KIF24: variants seen among roughly 807,000 people sequenced by gnomAD.
KIF24 encodes the protein kinesin-like protein KIF24.
KIF24 carries 81 observed loss-of-function variants against 118.9 expected under a neutral mutation model. The ratio of observed to expected loss-of-function variants is 0.68; its 90% CI spans 0.57 to 0.82. The LOEUF (loss-of-function observed/expected upper bound fraction) is 0.82. KIF24 is among the 40% of genes least tolerant of loss of function. The pLI is 0.00. For missense variants in KIF24, 1,560 were observed against 1,661.6 expected, an observed-to-expected ratio of 0.94 and a Z score of 1.06; for synonymous variants, 599 against 610.0, an observed-to-expected ratio of 0.98 and a Z score of 0.27.
chr9:34,327,845 A>AT lies in KIF24; in HGVS notation c.-26+1260_-26+1261insA, dbSNP rs1275195994. Reference sequence around the variant, plus strand: ...GCAAGACATTTTCTCTAATAAAAAAAAAATAATAATAATAATAAAGGGACT... The same window carrying AT: ...GCAAGACATTTTCTCTAATAAAAAAATAAATAATAATAATAATAAAGGGACT... On this transcript the variant is annotated intron_variant, in intron 1 of 12. Transcript: ENST00000402558. Among the ~76,000 whole-genome samples, 1,148 of 115,304 alleles carry AT rather than the reference A, an allele frequency of 1.0e-2. 13 individuals are homozygous for AT. Among genetic ancestry groups the AT allele is most frequent in the Non-Finnish European group, 0.013 (635 of 48,950 alleles). 75.6% of individuals were successfully genotyped at this position (115,304 alleles called of 152,430 possible).
Position 34,274,879 on chromosome 9 carries a change from A to T in KIF24, c.1216-2949T>A, listed in dbSNP as rs1411698667. 2.0e-5 allele frequency among the ~76,000 whole-genome samples: 3 copies of T among 146,574 alleles called. No individual in the cohort carries two copies. The East Asian group carries it at 6.2e-4, about 30-fold the overall frequency. Reference sequence around the variant, plus strand: ...GAACTGGAGATCATTATGTTAAGTGAAATAAGCCAGGCATAGAAAGACAAA... The same window carrying T: ...GAACTGGAGATCATTATGTTAAGTGTAATAAGCCAGGCATAGAAAGACAAA... On this transcript the variant is annotated intron_variant, in intron 6 of 12. Transcript: ENST00000402558.
chr9:34,269,124 C>G, intron 8 of KIF24, 133 bp downstream of exon 8: 1 of 500,866 alleles, frequency 2.0e-6, no homozygotes, highest in Non-Finnish European at 3.6e-6. Flanking sequence ...TATCTCCAAC[C>G]CTGGCATTCT....
In KIF24 at chr9:34,256,765, A is replaced by G. The variant is rs1383687733; in HGVS notation, c.2842T>C (p.Tyr948His). The change falls in exon 11 of 13, where the codon TAT becomes CAT. Residue 948 changes from tyrosine to histidine, a missense_variant. Tyr to His is a moderately conservative substitution (Grantham distance 83). Transcript: ENST00000402558. ...GAGCCTCCACCTCTTTCCTGTCTATATATGAAATCTACCTGTGAACAGTAT... is the reference window on the plus strand; with the variant it reads ...GAGCCTCCACCTCTTTCCTGTCTATGTATGAAATCTACCTGTGAACAGTAT... The part of the protein sequence containing the change: ...KPYCSQVDFI[Y>H]RQERGGGSSF... The G allele has an allele frequency of 6.2e-7, 1 of 1,613,854 alleles. No homozygotes were observed. Among genetic ancestry groups the G allele is most frequent in the East Asian group, 2.2e-5 (1 of 44,880 alleles).
Position 34,254,216 on chromosome 9 carries a change from TG to T in KIF24, c.*163del. 1 of 641,120 alleles carries T rather than the reference TG, an allele frequency of 1.6e-6. No homozygotes were observed. Among genetic ancestry groups the T allele is most frequent in the Non-Finnish European group, 2.5e-6 (1 of 401,254 alleles). The allele number at this position is 641,120 out of a possible 1,614,324, so 39.7% of individuals were successfully genotyped here. On this transcript the variant is annotated 3_prime_UTR_variant, in exon 13 of 13. Transcript: ENST00000402558. Reference sequence around the variant, plus strand: ...AGGGGCCTGTCCCTGAGGGAGAAGCTGGGACCTATCTGAAGCCACGTGGGGC... The same window carrying T: ...AGGGGCCTGTCCCTGAGGGAGAAGCTGGACCTATCTGAAGCCACGTGGGGC...
chr9:34,311,728 G>GTATA (rs147847212), intron 1 of KIF24, among the ~76,000 whole-genome samples: 10 of 142,932 alleles, frequency 7.0e-5, no homozygotes, highest in South Asian at 2.2e-4. Context: ...GTATATACAC[G>GTATA]TATATATATA....
At chr9:34,319,363 C>T (rs1837439242) in intron 1 of KIF24, 4 of 872,956 alleles carry the variant, frequency 4.6e-6, no homozygotes, top group Non-Finnish European at 7.8e-6. Context: ...AAACTCCTGG[C>T]TAGGCTTGGC....
intron 1 of KIF24, among the ~76,000 whole-genome samples, chr9:34,312,542 ATCT>A (rs1011693479): frequency 1.3e-5 from 2 of 152,204 alleles, no homozygotes; most frequent in Non-Finnish European, 2.9e-5. Flanking sequence ...TTTCTATTTC[ATCT>A]TCTTTCTAGC....
In KIF24 at chr9:34,269,969, A is replaced by G. The variant is rs1297919153; in HGVS notation, c.1338-607T>C. ...CTGGGTGTGGTGGCTCATGCCTGTA[A>G]TCCCAGCACTTTGGGAAGCCGAGGC... is the stretch of plus-strand genomic sequence containing the variant. On this transcript the variant is annotated intron_variant, in intron 7 of 12. Transcript: ENST00000402558. Among the ~76,000 whole-genome samples the G allele has an allele frequency of 4.6e-5, 7 of 150,910 alleles. No individual in the cohort carries two copies. In the East Asian group the frequency reaches 1.4e-3, roughly 31 times the overall value.
At position 34,297,061 on chromosome 9, in the gene KIF24, T is replaced by A; in HGVS notation, c.867A>T (p.Val289=). 2 of 1,598,076 alleles carry A rather than the reference T, an allele frequency of 1.3e-6. No individual in the cohort carries two copies. The highest frequency in any genetic ancestry group is 1.7e-6 in the Non-Finnish European group (2 of 1,169,640). ...VFGEACTNQD[V]YMKTTHPLIQ... is the part of the protein sequence containing the mutation. ...TAAGTGGGTGAGTAGTCTTCATGTA[T>A]ACATCCTGATTGGTGCACGCCTCAC... The change falls in exon 4 of 13, where the codon GTA becomes GTT. Residue 289 remains valine, a synonymous_variant. Coordinates refer to ENST00000402558, the MANE Select transcript of KIF24 (RefSeq NM_194313.4).
chr9:34,319,698 T>A, intron 1 of KIF24: 2 of 717,774 alleles, frequency 2.8e-6, no homozygotes, highest in East Asian at 5.5e-5. Flanking sequence ...AGCCAAAGGC[T>A]TCTGAGACAC....
chr9:34,302,976 G>A (rs1404962865), intron 3 of KIF24, among the ~76,000 whole-genome samples: 4 of 150,584 alleles, frequency 2.7e-5, no homozygotes, highest in African/African-American at 7.3e-5. Flanking sequence ...GAGTTTCACC[G>A]TGTTAGCCAG....
chr9:34,268,350 G>A (rs769033328), intron 8 of KIF24, among the ~76,000 whole-genome samples: 11 of 151,948 alleles, frequency 7.2e-5, no homozygotes, highest in Non-Finnish European at 1.0e-4. Flanking sequence ...ATTTTTAGTA[G>A]AGACAAGGTT....
chr9:34,331,287 C>T (rs1489278459), upstream of KIF24, among the ~76,000 whole-genome samples: 1 of 152,116 alleles, frequency 6.6e-6, no homozygotes, highest in African/African-American at 2.4e-5. Flanking sequence ...TTATGACACA[C>T]GGGTAACAGT....
chr9:34,327,879 T>A (rs908559571), intron 1 of KIF24, among the ~76,000 whole-genome samples: 6 of 151,454 alleles, frequency 4.0e-5, no homozygotes, highest in African/African-American at 1.5e-4. Context: ...CTAAATGACT[T>A]GCAAAGCCAC....
chr9:34,267,196 A>C (rs1179243878), intron 8 of KIF24, among the ~76,000 whole-genome samples: 4 of 152,164 alleles, frequency 2.6e-5, no homozygotes, highest in African/African-American at 9.6e-5. Context: ...AGATTCTTCA[A>C]TGGCTGATAA....
intron 6 of KIF24, among the ~76,000 whole-genome samples, chr9:34,278,049 C>T (rs117082960): frequency 0.021 from 3,248 of 152,022 alleles, 62 homozygotes; most frequent in Non-Finnish European, 0.035. Context: ...CTGAGAAGGG[C>T]GGTCACCTGA....
At position 34,286,722 on chromosome 9, in the gene KIF24, T is replaced by C; in HGVS notation, c.1128-18A>G. On this transcript the variant is annotated intron_variant, in intron 5 of 12. Coordinates refer to ENST00000402558, the MANE Select transcript of KIF24 (RefSeq NM_194313.4). Reference sequence around the variant, plus strand: ...CAAAGAGCCTGCAGATGCAAGAAAGTGGTTGGTATGATGGTGCTACTAAAA... The same window carrying C: ...CAAAGAGCCTGCAGATGCAAGAAAGCGGTTGGTATGATGGTGCTACTAAAA... 6.4e-7 allele frequency: 1 copy of C among 1,570,286 alleles called. No individual in the cohort carries two copies. The highest frequency in any genetic ancestry group is 2.2e-5 in the East Asian group (1 of 44,678).
intron 3 of KIF24, among the ~76,000 whole-genome samples, chr9:34,300,474 T>G (rs891422959): frequency 1.3e-5 from 2 of 152,016 alleles, no homozygotes; most frequent in Admixed American, 6.6e-5. Context: ...CTTCAAGCGA[T>G]TCTCCTGCCT....
chr9:34,266,982 T>TTA (rs549199068), intron 8 of KIF24, among the ~76,000 whole-genome samples: 117 of 152,334 alleles, frequency 7.7e-4, no homozygotes, highest in African/African-American at 2.7e-3. Context: ...CAAACTCATA[T>TTA]TATGTTTAGG....
Sources: gnomAD v4.1 joint callset for allele counts (sites outside exome capture counted in the v4.1 genomes callset) on GRCh38, gnomAD v4.1.1 for gene constraint, MANE v1.5 for transcripts, NCBI Gene and HGNC (gene_info 2026-07-23, HGNC 2026-07-21) for gene names.